Variants in HECW2 observed in about 807,000 individuals in gnomAD.
The protein encoded by HECW2 is HECT, C2 and WW domain containing E3 ubiquitin protein ligase 2.
HECW2 carries 61 observed loss-of-function variants against 175.2 expected under a neutral mutation model. The ratio of observed to expected loss-of-function variants is 0.35; its 90% CI spans 0.28 to 0.43. The LOEUF (loss-of-function observed/expected upper bound fraction) is 0.43, where lower values mean the gene tolerates loss of function less well. HECW2 is among the 20% of genes least tolerant of loss of function. The probability of loss-of-function intolerance (pLI) is 1.00; values close to 1 mark genes in which losing one functional copy is unlikely to be tolerated. For synonymous variants in HECW2, 671 were observed against 731.0 expected, an observed-to-expected ratio of 0.92 and a Z score of 1.32; for missense variants, 1,524 against 2,000.5, an observed-to-expected ratio of 0.76 and a Z score of 4.54.
At chr2:196,396,547 C>T (rs531666025) in intron 2 of HECW2, among the ~76,000 whole-genome samples, 16 of 152,312 alleles carry the variant, frequency 1.1e-4, no homozygotes, top group African/African-American at 3.6e-4. Context: ...TTTCAATCTT[C>T]TAAAGAATAA....
rs999676438 is a variant in HECW2 at position 196,325,158 on chromosome 2, A to G, written c.572-9T>C. On this transcript the variant is annotated splice_polypyrimidine_tract_variant and intron_variant, in intron 5 of 28. Transcript: ENST00000644978. ...CCCAACTGCCCTAAGATCTTTAAAG[A>G]AAGAGGGAGAAGGAGGGAGGGACAA... 3 of 1,566,510 alleles carry G rather than the reference A, an allele frequency of 1.9e-6. No individual in the cohort carries two copies. The highest frequency in any genetic ancestry group is 2.4e-5 in the South Asian group (2 of 83,390).
At chr2:196,314,618 C>A (rs1294809879) in intron 10 of HECW2, among the ~76,000 whole-genome samples, 1 of 152,176 alleles carries the variant, frequency 6.6e-6, no homozygotes, top group Non-Finnish European at 1.5e-5. Flanking sequence ...TTCTGTGCAA[C>A]AACCTATTAA....
intron 2 of HECW2, among the ~76,000 whole-genome samples, chr2:196,367,876 T>TGTGTGTGTGTGTGTGTGTGTG (rs1553508124): frequency 5.4e-4 from 79 of 144,994 alleles, no homozygotes; most frequent in African/African-American, 1.9e-3. Flanking sequence ...GTGTGTGTGT[T>TGTGTGTGTGTGTGTGTGTGTG]TGTGTGTGTG....
intron 28 of HECW2, among the ~76,000 whole-genome samples, chr2:196,214,586 A>T (rs1359964798): frequency 6.6e-6 from 1 of 152,178 alleles, no homozygotes; most frequent in Admixed American, 6.5e-5. Context: ...GAAATCAAAT[A>T]ATGAATTCCC....
At chr2:196,480,196 T>A (rs1461934185) in intron 1 of HECW2, among the ~76,000 whole-genome samples, 1 of 152,176 alleles carries the variant, frequency 6.6e-6, no homozygotes, top group South Asian at 2.1e-4. Context: ...TCAAATCACA[T>A]CAGTTTGGGG....
chr2:196,475,313 G>C (rs1025506033), intron 1 of HECW2, among the ~76,000 whole-genome samples: 3 of 151,422 alleles, frequency 2.0e-5, no homozygotes, highest in African/African-American at 7.3e-5. Context: ...GAAGGGAGTG[G>C]GGAGAATAAA....
chr2:196,318,385 C>T (rs1691782906), intron 9 of HECW2, among the ~76,000 whole-genome samples, 167 bp downstream of exon 9: 1 of 152,186 alleles, frequency 6.6e-6, no homozygotes, highest in Non-Finnish European at 1.5e-5. Flanking sequence ...CCTTCTCTTC[C>T]TGGCCCTGTT....
chr2:196,444,069 T>C (rs991209577), intron 1 of HECW2, among the ~76,000 whole-genome samples: 2 of 152,182 alleles, frequency 1.3e-5, no homozygotes, highest in South Asian at 4.1e-4. Context: ...TAATGGTTTA[T>C]ATGAGAGAAG....
In HECW2 at chr2:196,569,079, T is replaced by A. The variant is rs1690284280; in HGVS notation, c.-36+24429A>T. 2.6e-5 allele frequency among the ~76,000 whole-genome samples: 4 copies of A among 152,306 alleles called. No individual in the cohort carries two copies. In the South Asian group the frequency reaches 6.2e-4, roughly 24 times the overall value. On this transcript the variant is annotated intron_variant, in intron 1 of 28. Transcript: ENST00000644978. The stretch of plus-strand genomic sequence containing the variant: ...CTGGCTGGGAAAGGCGGCTCATGCC[T>A]GAAATCTCAGCACTTTGGGAGGCCA...
intron 2 of HECW2, among the ~76,000 whole-genome samples, chr2:196,405,486 A>T (rs1694943550): frequency 6.6e-6 from 1 of 152,132 alleles, no homozygotes; most frequent in African/African-American, 2.4e-5. Flanking sequence ...TCAATGCCAC[A>T]TCTACCACTC....
intron 1 of HECW2, among the ~76,000 whole-genome samples, chr2:196,565,851 G>A (rs1026134460): frequency 6.6e-6 from 1 of 152,070 alleles, no homozygotes; most frequent in African/African-American, 2.4e-5. Context: ...TATAGTACAT[G>A]CGAATAGTCA....
chr2:196,222,298 G>A lies in HECW2; in HGVS notation c.4059C>T (p.Phe1353=). 1 of 1,612,540 alleles carries A rather than the reference G, an allele frequency of 6.2e-7. No individual in the cohort carries two copies. Among genetic ancestry groups the A allele is most frequent in the African/African-American group, 1.3e-5 (1 of 74,982 alleles). The part of the protein sequence containing the change: ...LSDLEYLDEE[F]HQSLQWMKDN... Reference sequence around the variant, plus strand: ...CTTTCATCCACTGCAGGCTCTGATGGAACTCTTCATCAAGGTATTCTAGGT... The same window carrying A: ...CTTTCATCCACTGCAGGCTCTGATGAAACTCTTCATCAAGGTATTCTAGGT... The change falls in exon 24 of 29, where the codon TTC becomes TTT. Residue 1353 remains phenylalanine, a synonymous_variant. Transcript: ENST00000644978.
At chr2:196,395,520 C>T (rs1211795111) in intron 2 of HECW2, among the ~76,000 whole-genome samples, 2 of 152,024 alleles carry the variant, frequency 1.3e-5, no homozygotes, top group East Asian at 3.9e-4. Flanking sequence ...ACAACGACAA[C>T]AAAAACCAAA....
Position 196,523,086 on chromosome 2 carries a change from G to A in HECW2, c.-36+70422C>T, listed in dbSNP as rs1387461946. ...CCTTGGGCAGTATGGCCATTTTCAC[G>A]ATATTGATTCTTCCTACCCATGAGC... On this transcript the variant is annotated intron_variant, in intron 1 of 28. Transcript: ENST00000644978. Among the ~76,000 whole-genome samples the A allele has an allele frequency of 6.6e-5, 10 of 151,840 alleles. No homozygotes were observed. In the East Asian group the frequency reaches 1.5e-3, roughly 24 times the overall value.
At chr2:196,254,830 T>C (rs1016683581) in intron 18 of HECW2, among the ~76,000 whole-genome samples, 13 of 152,242 alleles carry the variant, frequency 8.5e-5, no homozygotes, top group African/African-American at 2.9e-4. Flanking sequence ...TATTTGAAAC[T>C]ACACTTACAT....
intron 1 of HECW2, among the ~76,000 whole-genome samples, chr2:196,588,336 A>C (rs1691061534): frequency 6.6e-6 from 1 of 152,234 alleles, no homozygotes; most frequent in South Asian, 2.1e-4. Flanking sequence ...GAATGAATTA[A>C]ATTTTTTCAT....
intron 17 of HECW2, among the ~76,000 whole-genome samples, chr2:196,260,706 G>A (rs1201335363): frequency 1.3e-5 from 2 of 152,192 alleles, no homozygotes; most frequent in African/African-American, 2.4e-5. Flanking sequence ...CAAGGCTGAG[G>A]AACAGACAGA....
intron 2 of HECW2, among the ~76,000 whole-genome samples, chr2:196,356,591 G>C (rs527700290): frequency 2.6e-5 from 4 of 152,148 alleles, no homozygotes; most frequent in Admixed American, 6.5e-5. Context: ...CAGCTGTCAT[G>C]GTATCTCATC....
intron 1 of HECW2, among the ~76,000 whole-genome samples, chr2:196,443,862 C>T (rs914650394): frequency 6.6e-6 from 1 of 152,092 alleles, no homozygotes; most frequent in Non-Finnish European, 1.5e-5. Flanking sequence ...TGGCAAAACC[C>T]CATCTCTACA....
Sources: allele counts gnomAD v4.1 joint callset (sites outside exome capture counted in the v4.1 genomes callset), GRCh38; gene constraint gnomAD v4.1.1; transcripts MANE v1.5; gene names NCBI Gene and HGNC (gene_info 2026-07-23, HGNC 2026-07-21).